Variants in FHIT observed in about 807,000 individuals in gnomAD.
The protein encoded by FHIT is bis(5'-adenosyl)-triphosphatase.
FHIT carries 19 observed loss-of-function variants against 17.9 expected under a neutral mutation model. That is an observed-to-expected ratio of 1.06 (90% CI 0.74 to 1.56). The LOEUF (loss-of-function observed/expected upper bound fraction) is 1.56. Ranked by LOEUF, FHIT falls within the 40% of genes most tolerant of loss-of-function variation. The pLI is 0.00. For missense variants in FHIT, 248 were observed against 189.2 expected (o/e 1.31, Z -1.82); for synonymous variants, 81 against 69.7 (o/e 1.16, Z -0.81).
intron 4 of FHIT, among the ~76,000 whole-genome samples, chr3:60,744,049 G>C (rs1303701336): frequency 1.3e-5 from 2 of 151,964 alleles, no homozygotes; most frequent in Non-Finnish European, 2.9e-5. Context: ...ACCCAAGGAA[G>C]GGGGGCTATT....
chr3:60,036,578 T>C (rs755132833), intron 5 of FHIT, among the ~76,000 whole-genome samples: 1 of 152,170 alleles, frequency 6.6e-6, no homozygotes, highest in Non-Finnish European at 1.5e-5. Context: ...TAAAACAATA[T>C]TAAAATGATC....
intron 9 of FHIT, chr3:59,751,296 A>C (rs1700885136): frequency 5.6e-6 from 1 of 178,878 alleles, no homozygotes; most frequent in Non-Finnish European, 1.2e-5. Context: ...GCTGGAATGC[A>C]GTGGCATGAT....
At position 59,898,442 on chromosome 3, in the gene FHIT, T is replaced by TTGTGTGTGTGTG. The variant is rs3075168; in HGVS notation, c.348+23892_348+23903dup. Among the ~76,000 whole-genome samples the TTGTGTGTGTGTG allele has an allele frequency of 4.9e-3, 722 of 145,938 alleles. 8 individuals carry two copies. Among genetic ancestry groups the TTGTGTGTGTGTG allele is most frequent in the Admixed American group, 0.024 (342 of 14,548 alleles). ...TGTATATATGTGTGCGTGTGTATGT[T>TTGTGTGTGTGTG]TGTGTGTGTGTGTGTGTGTGTGTGT... is the stretch of plus-strand genomic sequence containing the variant. On this transcript the variant is annotated intron_variant, in intron 8 of 9. Transcript: ENST00000492590.
At chr3:60,411,530 G>A (rs889008510) in intron 5 of FHIT, among the ~76,000 whole-genome samples, 1 of 152,122 alleles carries the variant, frequency 6.6e-6, no homozygotes, top group African/African-American at 2.4e-5. Context: ...TATGTATATT[G>A]TATTTCTGGA....
At chr3:60,314,328 T>A (rs912338730) in intron 5 of FHIT, among the ~76,000 whole-genome samples, 5 of 152,200 alleles carry the variant, frequency 3.3e-5, no homozygotes, top group African/African-American at 1.2e-4. Context: ...GGGATTTCAG[T>A]AGTATCAGAA....
At chr3:60,822,602 C>A (rs931639111) in intron 3 of FHIT, among the ~76,000 whole-genome samples, 1 of 152,156 alleles carries the variant, frequency 6.6e-6, no homozygotes, top group Non-Finnish European at 1.5e-5. Context: ...TCCTATGTAG[C>A]TGCTCAACAT....
chr3:60,567,164 C>T (rs1191659115), intron 4 of FHIT, among the ~76,000 whole-genome samples: 1 of 152,032 alleles, frequency 6.6e-6, no homozygotes, highest in Non-Finnish European at 1.5e-5. Flanking sequence ...CAATCCTAAG[C>T]CAAAAGAACA....
intron 5 of FHIT, among the ~76,000 whole-genome samples, chr3:60,505,127 T>C (rs576676566): frequency 6.6e-6 from 1 of 152,152 alleles, no homozygotes; most frequent in South Asian, 2.1e-4. Context: ...AAAAACAAAA[T>C]AATGGGCAGA....
chr3:60,188,615 A>G (rs1256045214), intron 5 of FHIT, among the ~76,000 whole-genome samples: 1 of 152,140 alleles, frequency 6.6e-6, no homozygotes, highest in African/African-American at 2.4e-5. Context: ...TCAAATTTTG[A>G]CAGTAACTAT....
intron 3 of FHIT, among the ~76,000 whole-genome samples, chr3:61,034,900 A>C (rs139922087): frequency 2.2e-4 from 34 of 152,324 alleles, no homozygotes; most frequent in Middle Eastern, 3.4e-3. Flanking sequence ...ATCAACACCC[A>C]TCAATGAATC....
At chr3:60,626,652 TTTC>T (rs1308741964) in intron 4 of FHIT, among the ~76,000 whole-genome samples, 5 of 152,068 alleles carry the variant, frequency 3.3e-5, no homozygotes, top group African/African-American at 9.6e-5. Context: ...TAATAAAGTT[TTTC>T]TTCTTTTCAA....
At chr3:61,149,143 T>A (rs562362593) in intron 2 of FHIT, among the ~76,000 whole-genome samples, 1 of 152,334 alleles carries the variant, frequency 6.6e-6, no homozygotes, top group South Asian at 2.1e-4. Context: ...TGAAAGGTCA[T>A]CACCAGTCAC....
At chr3:60,558,121 C>A (rs2036806072) in intron 4 of FHIT, among the ~76,000 whole-genome samples, 1 of 152,076 alleles carries the variant, frequency 6.6e-6, no homozygotes, top group South Asian at 2.1e-4. Flanking sequence ...CCTGTGTCGT[C>A]TTTGCCTTTG....
At chr3:60,882,842 A>T (rs1705038889) in intron 3 of FHIT, among the ~76,000 whole-genome samples, 1 of 152,156 alleles carries the variant, frequency 6.6e-6, no homozygotes, top group South Asian at 2.1e-4. Flanking sequence ...GTTATTCAAC[A>T]TAACATTGGA....
intron 4 of FHIT, among the ~76,000 whole-genome samples, chr3:60,776,594 C>G (rs993028196): frequency 1.3e-5 from 2 of 152,164 alleles, no homozygotes; most frequent in East Asian, 3.8e-4. Context: ...AGCTTCACAA[C>G]TGGTAAGGCC....
chr3:60,008,218 G>C (rs147049817), intron 7 of FHIT, among the ~76,000 whole-genome samples: 3 of 152,118 alleles, frequency 2.0e-5, no homozygotes, highest in Non-Finnish European at 4.4e-5. Flanking sequence ...GGGTCAGGGA[G>C]GCTGTTTGGA....
chr3:60,904,197 T>C (rs1159252772), intron 3 of FHIT, among the ~76,000 whole-genome samples: 1 of 152,210 alleles, frequency 6.6e-6, no homozygotes, highest in Non-Finnish European at 1.5e-5. Context: ...TGCTGAGCCC[T>C]GCACTAATGA....
Position 60,756,480 on chromosome 3 carries a change from G to A in FHIT, c.-18+65439C>T, listed in dbSNP as rs550808368. 3.5e-4 allele frequency among the ~76,000 whole-genome samples: 54 copies of A among 152,308 alleles called. 2 individuals are homozygous for A. The South Asian group carries it at 0.011, about 32-fold the overall frequency. ...AGCTCCAGGCTGCTTCCACCAGAGA[G>A]CAAATTCAACATTATAAAGGAAGTG... is the stretch of plus-strand genomic sequence containing the variant. On this transcript the variant is annotated intron_variant, in intron 4 of 9. Coordinates refer to ENST00000492590, the MANE Select transcript of FHIT (RefSeq NM_002012.4).
chr3:60,277,749 T>C (rs933403167), intron 5 of FHIT, among the ~76,000 whole-genome samples: 1 of 150,096 alleles, frequency 6.7e-6, no homozygotes, highest in Non-Finnish European at 1.5e-5. Flanking sequence ...GAGAGAAAGC[T>C]GTTCTCCTTT....
Sources: allele counts gnomAD v4.1 joint callset (sites outside exome capture counted in the v4.1 genomes callset), GRCh38; gene constraint gnomAD v4.1.1; transcripts MANE v1.5; gene names NCBI Gene and HGNC (gene_info 2026-07-23, HGNC 2026-07-21).